The following LEPR variants were observed in gnomAD, a reference collection of about 807,000 sequenced individuals.
LEPR encodes the protein leptin receptor, also known as OB receptor.
In LEPR, 56 loss-of-function variants were observed where a neutral mutation model predicts 114.7. The observed-to-expected ratio is 0.49, with a 90% CI of 0.39 to 0.61. The LOEUF (loss-of-function observed/expected upper bound fraction) is 0.61, where lower values mean the gene tolerates loss of function less well. LEPR is among the 20% of genes least tolerant of loss of function. The pLI is 0.00. For synonymous variants in LEPR, 443 were observed against 461.4 expected, an observed-to-expected ratio of 0.96 and a Z score of 0.51; for missense variants, 1,202 against 1,352.9, an observed-to-expected ratio of 0.89 and a Z score of 1.75.
chr1:65,460,096 T>G (rs566882888), intron 2 of LEPR, among the ~76,000 whole-genome samples: 37 of 151,592 alleles, frequency 2.4e-4, no homozygotes, highest in Admixed American at 5.3e-4. Context: ...CACATAGTAA[T>G]AAGCCAAGTA....
At position 65,640,968 on chromosome 1, in the gene LEPR, G is replaced by A. The variant is rs1158020856; in HGVS notation, c.*3953G>A. 1.3e-5 allele frequency: 2 copies of A among 151,976 alleles called. No individual in the cohort carries two copies. The highest frequency in any genetic ancestry group is 4.8e-5 in the African/African-American group (2 of 41,356). The allele number at this position is 151,976 out of a possible 1,614,324, so 9.4% of individuals were successfully genotyped here. Reference sequence around the variant, plus strand: ...ATTTTGGATTTTTAGTAGAGATGGGGTTTTGCCCTGTTGGCCAGGCTGGTC... The same window carrying A: ...ATTTTGGATTTTTAGTAGAGATGGGATTTTGCCCTGTTGGCCAGGCTGGTC... On this transcript the variant is annotated 3_prime_UTR_variant, in exon 20 of 20. Transcript: ENST00000349533.
Position 65,634,260 on chromosome 1 carries a change from G to A in LEPR, c.2674-1931G>A, listed in dbSNP as rs55951186. 2,522 of 976,894 alleles carry A rather than the reference G, an allele frequency of 2.6e-3. 3 individuals carry two copies. Among genetic ancestry groups the A allele is most frequent in the Non-Finnish European group, 2.9e-3 (2,391 of 822,414 alleles). 60.5% of individuals were successfully genotyped at this position (976,894 alleles called of 1,614,324 possible). The stretch of plus-strand genomic sequence containing the variant: ...GATCCCTTATATTTAGATTTAACTC[G>A]TAGTTTTATTTGAAAGTAGAAAAGA... On this transcript the variant is annotated intron_variant, in intron 19 of 19. Transcript: ENST00000349533.
At chr1:65,550,764 G>A (rs1036290431) in intron 2 of LEPR, among the ~76,000 whole-genome samples, 6 of 152,278 alleles carry the variant, frequency 3.9e-5, no homozygotes, top group East Asian at 1.9e-4. Context: ...GACCCCTTGC[G>A]CTTCCTGAGT....
intron 2 of LEPR, among the ~76,000 whole-genome samples, chr1:65,505,675 G>A (rs1404022542): frequency 6.6e-6 from 1 of 151,798 alleles, no homozygotes; most frequent in African/African-American, 2.4e-5. Context: ...TGGAAACACA[G>A]TTGCCTTTTC....
chr1:65,572,871 G>C (rs1654301900), intron 5 of LEPR, among the ~76,000 whole-genome samples: 1 of 152,112 alleles, frequency 6.6e-6, no homozygotes, highest in Admixed American at 6.5e-5. Context: ...TTCTCTCACT[G>C]TCTGCTCTGT....
At position 65,598,787 on chromosome 1, in the gene LEPR, G is replaced by A. The variant is rs372587951; in HGVS notation, c.977G>A (p.Arg326His). Residue 326 changes from arginine (R) to histidine (H), a missense_variant, in exon 8 of 20, where the codon CGT becomes CAT. By Grantham distance (29) the Arg-to-His change is conservative. Transcript: ENST00000349533. ...ATCTGGAGTGACTGGAGTACTCCTC[G>A]TGTCTTTACCACACAAGGTAGGTTA... ...PGIWSDWSTP[R>H]VFTTQDVIYF... is the part of the protein sequence containing the mutation. The A allele has an allele frequency of 2.4e-5, 39 of 1,613,188 alleles. No individual in the cohort carries two copies. Among genetic ancestry groups the A allele is most frequent in the Admixed American group, 1.5e-4 (9 of 59,898 alleles).
intron 2 of LEPR, among the ~76,000 whole-genome samples, chr1:65,529,922 A>C (rs1204532430): frequency 6.6e-6 from 1 of 152,098 alleles, no homozygotes; most frequent in Non-Finnish European, 1.5e-5. Context: ...GGAATACCTT[A>C]AGGTTTAGCT....
chr1:65,421,499 G>T lies in LEPR; in HGVS notation c.-97+759G>T, dbSNP rs1397714960. The stretch of plus-strand genomic sequence containing the variant: ...CATTTCTAATCTGTCGAATAGAGTA[G>T]CATGACTTGTTTTTATATTGGCTTT... On this transcript the variant is annotated intron_variant, in intron 1 of 19. Transcript: ENST00000349533. 10 of 1,535,250 alleles carry T rather than the reference G, an allele frequency of 6.5e-6. No individual in the cohort carries two copies. The South Asian group carries it at 1.2e-4, about 18-fold the overall frequency.
rs182746298 is a variant in LEPR at position 65,427,483 on chromosome 1, C to T, written c.-21+2105C>T. ...CTGAGGTGGGAAGATTGGTTGAGCC[C>T]AGGGGTTGGAGGCTGCAGTGAGCTG... On this transcript the variant is annotated intron_variant, in intron 2 of 19. Coordinates refer to ENST00000349533, the MANE Select transcript of LEPR (RefSeq NM_002303.6). Among the ~76,000 whole-genome samples, 460 of 152,188 alleles carry T rather than the reference C, an allele frequency of 3.0e-3. 1 individual carries two copies. The highest frequency in any genetic ancestry group is 3.1e-3 in the Non-Finnish European group (214 of 67,990).
At chr1:65,481,300 A>G (rs1395874148) in intron 2 of LEPR, among the ~76,000 whole-genome samples, 1 of 152,168 alleles carries the variant, frequency 6.6e-6, no homozygotes, top group African/African-American at 2.4e-5. Context: ...CTTTATATGA[A>G]TTTTCTAGGA....
intron 19 of LEPR, among the ~76,000 whole-genome samples, chr1:65,627,775 G>A (rs969626194): frequency 2.0e-5 from 3 of 152,062 alleles, no homozygotes; most frequent in African/African-American, 7.2e-5. Flanking sequence ...GACCAGAGGA[G>A]CCTATTGTTT....
intron 2 of LEPR, among the ~76,000 whole-genome samples, chr1:65,485,794 C>G (rs1385582140): frequency 6.6e-6 from 1 of 152,078 alleles, no homozygotes; most frequent in Non-Finnish European, 1.5e-5. Flanking sequence ...CATTGTGGGT[C>G]TCTTTGAACA....
intron 2 of LEPR, among the ~76,000 whole-genome samples, chr1:65,466,301 T>C (rs2100395502): frequency 6.6e-6 from 1 of 152,342 alleles, no homozygotes; most frequent in African/African-American, 2.4e-5. Flanking sequence ...TTTGGCTGCA[T>C]ATGAGATTCT....
At chr1:65,553,469 T>C (rs1652572752) in intron 2 of LEPR, among the ~76,000 whole-genome samples, 1 of 152,156 alleles carries the variant, frequency 6.6e-6, no homozygotes, top group Admixed American at 6.5e-5. Context: ...TAAGTTGATC[T>C]TCAATCTCTG....
intron 2 of LEPR, chr1:65,430,066 T>C (rs373078589): frequency 4.9e-5 from 75 of 1,545,290 alleles, no homozygotes; most frequent in Middle Eastern, 1.7e-4. Flanking sequence ...TTATTTTCTA[T>C]TGTTTTGCCC....
At chr1:65,488,186 T>TTC (rs372929503) in intron 2 of LEPR, among the ~76,000 whole-genome samples, 1 of 20,812 alleles carries the variant, frequency 4.8e-5, no homozygotes, top group African/African-American at 2.1e-4. Flanking sequence ...CTTTCTTTCT[T>TTC]TCTTTCTTTC....
intron 2 of LEPR, chr1:65,525,981 C>A: frequency 2.6e-6 from 2 of 764,140 alleles, no homozygotes; most frequent in Non-Finnish European, 1.6e-6. Flanking sequence ...GAGGGGCCAG[C>A]GCCCGGCGGG....
Position 65,503,651 on chromosome 1 carries a change from GA to G in LEPR, c.-20-61892del, listed in dbSNP as rs575426011. On this transcript the variant is annotated intron_variant, in intron 2 of 19. Coordinates refer to ENST00000349533, the MANE Select transcript of LEPR (RefSeq NM_002303.6). ...TCACTGTTGAAGTGGGAGCTTACAGGAAAGCATGGGGAGAAGGCAAGAATGA... is the reference window on the plus strand; with the variant it reads ...TCACTGTTGAAGTGGGAGCTTACAGGAAGCATGGGGAGAAGGCAAGAATGA... 3.0e-4 allele frequency among the ~76,000 whole-genome samples: 45 copies of G among 152,262 alleles called. No homozygotes were observed. In the South Asian group the frequency reaches 4.8e-3, roughly 16 times the overall value.
chr1:65,574,044 T>G (rs1654399727), intron 5 of LEPR, among the ~76,000 whole-genome samples: 1 of 152,170 alleles, frequency 6.6e-6, no homozygotes, highest in South Asian at 2.1e-4. Flanking sequence ...GAGTTTCAGT[T>G]TAAGTGGTTA....
Sources: allele counts gnomAD v4.1 joint callset (sites outside exome capture counted in the v4.1 genomes callset), GRCh38; gene constraint gnomAD v4.1.1; transcripts MANE v1.5; gene names NCBI Gene and HGNC (gene_info 2026-07-23, HGNC 2026-07-21).